The following SLC25A12 variants were observed in gnomAD, a reference collection of about 807,000 sequenced individuals.
SLC25A12 encodes the protein electrogenic aspartate/glutamate antiporter SLC25A12, mitochondrial.
Under a neutral mutation model 83.3 loss-of-function variants are expected in SLC25A12, and 32 were observed. That is an observed-to-expected ratio of 0.38 (90% CI 0.29 to 0.52). The LOEUF (loss-of-function observed/expected upper bound fraction) is 0.52. SLC25A12 is among the 20% of genes least tolerant of loss of function. The pLI is 0.84. For synonymous variants in SLC25A12, 267 were observed against 291.1 expected (o/e 0.92, Z 0.84); for missense variants, 611 against 835.6 (o/e 0.73, Z 3.31).
intron 2 of SLC25A12, among the ~76,000 whole-genome samples, chr2:171,886,972 C>A (rs776057959): frequency 1.3e-5 from 2 of 152,088 alleles, no homozygotes; most frequent in Non-Finnish European, 2.9e-5. Flanking sequence ...CCCTTTAATA[C>A]TTGATAATCT....
chr2:171,875,429 G>C (rs989492445), intron 2 of SLC25A12, among the ~76,000 whole-genome samples: 1 of 152,086 alleles, frequency 6.6e-6, no homozygotes, highest in African/African-American at 2.4e-5. Context: ...TTGCAGTCAA[G>C]ACCCTCTACC....
At chr2:171,844,777 G>T (rs1684757463) in intron 4 of SLC25A12, among the ~76,000 whole-genome samples, 1 of 152,142 alleles carries the variant, frequency 6.6e-6, no homozygotes, top group Non-Finnish European at 1.5e-5. Flanking sequence ...TAATTAGAAA[G>T]TGATTTCTAT....
intron 3 of SLC25A12, among the ~76,000 whole-genome samples, chr2:171,858,285 G>A (rs1685085272): frequency 6.6e-6 from 1 of 152,074 alleles, no homozygotes; most frequent in South Asian, 2.1e-4. Flanking sequence ...ATTGATACAA[G>A]GATTTTCTAT....
chr2:171,788,203 TGA>T (rs925166177), intron 15 of SLC25A12: 37 of 389,368 alleles, frequency 9.5e-5, no homozygotes, highest in Non-Finnish European at 6.9e-5. Context: ...CAAATAACTG[TGA>T]GAGAGAAAAA....
chr2:171,813,602 T>C (rs540299353), intron 10 of SLC25A12, 105 bp from the exon 11 acceptor site: 1 of 1,206,472 alleles, frequency 8.3e-7, no homozygotes, highest in African/African-American at 1.5e-5. Context: ...AAACACAACA[T>C]GTATTCTCAC....
At chr2:171,789,419 G>A (rs1364665315) in intron 15 of SLC25A12, among the ~76,000 whole-genome samples, 13 of 152,090 alleles carry the variant, frequency 8.5e-5, no homozygotes, top group East Asian at 5.8e-4. Flanking sequence ...TAGTAGAGAC[G>A]GGGTTTCACC....
intron 13 of SLC25A12, among the ~76,000 whole-genome samples, chr2:171,803,481 T>A (rs1161762242): frequency 6.6e-6 from 1 of 152,104 alleles, no homozygotes; most frequent in Admixed American, 6.6e-5. Context: ...AAATTCTGAA[T>A]AGACATTTTT....
Position 171,883,522 on chromosome 2 carries a change from G to A in SLC25A12, c.66+9683C>T, listed in dbSNP as rs111923498. Among the ~76,000 whole-genome samples, 38 of 152,298 alleles carry A rather than the reference G, an allele frequency of 2.5e-4. 2 individuals carry two copies. The highest frequency in any genetic ancestry group is 8.4e-4 in the African/African-American group (35 of 41,566). ...AGGAGGACATTAAATTGAAAGAATC[G>A]GCCAGGCGTAGTGGCTCACGCCTGT... On this transcript the variant is annotated intron_variant, in intron 2 of 17. Transcript: ENST00000422440.
rs560033900 is a variant in SLC25A12, at chr2:171,854,562, G to A, written c.325+1272C>T. On this transcript the variant is annotated intron_variant, in intron 4 of 17. Transcript: ENST00000422440. ...AGTCTGGGCGACAGAGCAAGACTCC[G>A]TCTCAAAAAAAAACAAAACAAAAAA... 4.0e-5 allele frequency among the ~76,000 whole-genome samples: 6 copies of A among 151,530 alleles called. No homozygotes were observed. The South Asian group carries it at 6.3e-4, about 16-fold the overall frequency.
intron 4 of SLC25A12, among the ~76,000 whole-genome samples, chr2:171,849,090 T>C (rs1428732689): frequency 1.3e-5 from 2 of 152,098 alleles, no homozygotes; most frequent in African/African-American, 4.8e-5. Context: ...CTAGGGAAGC[T>C]GAGGCAGAAG....
intron 2 of SLC25A12, among the ~76,000 whole-genome samples, chr2:171,877,659 G>A (rs1487752159): frequency 4.8e-5 from 6 of 125,190 alleles, no homozygotes; most frequent in African/African-American, 1.8e-4. Context: ...ACCAGAAGAA[G>A]ACTCCATCCC....
chr2:171,798,571 G>A (rs1293861504), intron 13 of SLC25A12, among the ~76,000 whole-genome samples: 4 of 152,152 alleles, frequency 2.6e-5, no homozygotes, highest in Non-Finnish European at 4.4e-5. Context: ...CAGTATGTGC[G>A]TATAAAATAA....
At chr2:171,797,157 CATAA>C (rs1341229471) in intron 13 of SLC25A12, among the ~76,000 whole-genome samples, 2 of 152,138 alleles carry the variant, frequency 1.3e-5, no homozygotes, top group African/African-American at 4.8e-5. Context: ...TAGAGAATTT[CATAA>C]ATACAGTAAC....
In SLC25A12 at chr2:171,856,373, T is replaced by A. The variant is rs545753147; in HGVS notation, c.210-424A>T. On this transcript the variant is annotated intron_variant, in intron 3 of 17. Transcript: ENST00000422440. ...CTAGATGCCAATAGCATCCCCAAGT[T>A]GTGACCAGCAAAAATGTCTCCAGAC... Among the ~76,000 whole-genome samples, 4 of 152,252 alleles carry A rather than the reference T, an allele frequency of 2.6e-5. No individual in the cohort carries two copies. The South Asian group carries it at 8.3e-4, about 32-fold the overall frequency.
intron 2 of SLC25A12, among the ~76,000 whole-genome samples, chr2:171,892,731 C>CA (rs5836360): frequency 0.81 from 123,881 of 152,010 alleles, 51,626 homozygotes; most frequent in Middle Eastern, 0.91. Context: ...GTAAAATCCC[C>CA]AAGGCTTAAG....
At chr2:171,887,846 G>A (rs1685852858) in intron 2 of SLC25A12, among the ~76,000 whole-genome samples, 1 of 152,090 alleles carries the variant, frequency 6.6e-6, no homozygotes, top group South Asian at 2.1e-4. Context: ...GAGTGGAGGT[G>A]GGCAGAAAAA....
chr2:171,870,349 G>A (rs992987784), intron 2 of SLC25A12, among the ~76,000 whole-genome samples: 1 of 152,140 alleles, frequency 6.6e-6, no homozygotes, highest in Non-Finnish European at 1.5e-5. Context: ...TAGGACAGGT[G>A]CAGTGGCTCA....
At chr2:171,832,152 T>C (rs746128106) in intron 8 of SLC25A12, among the ~76,000 whole-genome samples, 4 of 152,150 alleles carry the variant, frequency 2.6e-5, no homozygotes, top group Non-Finnish European at 5.9e-5. Context: ...GTCTAAGTAC[T>C]GCCAAGATAG....
chr2:171,792,825 T>G (rs1021176540), intron 14 of SLC25A12, among the ~76,000 whole-genome samples: 1 of 152,230 alleles, frequency 6.6e-6, no homozygotes, highest in Non-Finnish European at 1.5e-5. Context: ...AGCTGTGTGA[T>G]TCCAATCTAG....
Sources: allele counts gnomAD v4.1 joint callset (sites outside exome capture counted in the v4.1 genomes callset), GRCh38; gene constraint gnomAD v4.1.1; transcripts MANE v1.5; gene names NCBI Gene and HGNC (gene_info 2026-07-23, HGNC 2026-07-21).